KIT: variants seen among roughly 807,000 people sequenced by gnomAD.
The protein encoded by KIT is KIT proto-oncogene, receptor tyrosine kinase.
In KIT, 16 loss-of-function variants were observed where a neutral mutation model predicts 105.7. The ratio of observed to expected loss-of-function variants is 0.15; its 90% confidence interval spans 0.10 to 0.23. KIT has a LOEUF of 0.23. KIT is among the 10% of genes least tolerant of loss of function. KIT has a pLI of 1.00. For missense variants in KIT, 858 were observed against 1,213.8 expected (o/e 0.71, Z 4.36); for synonymous variants, 438 against 441.1 (o/e 0.99, Z 0.09).
intron 4 of KIT, among the ~76,000 whole-genome samples, chr4:54,700,389 A>G (rs1720380107): frequency 6.6e-6 from 1 of 152,248 alleles, no homozygotes; most frequent in Non-Finnish European, 1.5e-5. Context: ...GTTCCCATTC[A>G]TTTAACAAAT....
At chr4:54,693,397 G>A (rs6810872) in intron 1 of KIT, among the ~76,000 whole-genome samples, 61 of 151,932 alleles carry the variant, frequency 4.0e-4, no homozygotes, top group South Asian at 1.2e-3. Flanking sequence ...TTCCTACACC[G>A]TCTTGGCTGG....
chr4:54,696,690 T>G (rs1228373643), intron 2 of KIT, among the ~76,000 whole-genome samples: 1 of 152,262 alleles, frequency 6.6e-6, no homozygotes. Flanking sequence ...CTTACGTAAT[T>G]GTTAGGGAGC....
At chr4:54,677,536 T>C (rs937510767) in intron 1 of KIT, among the ~76,000 whole-genome samples, 1 of 152,168 alleles carries the variant, frequency 6.6e-6, no homozygotes, top group Non-Finnish European at 1.5e-5. Context: ...TCAGGGAAAG[T>C]GACTCTTGCC....
intron 1 of KIT, among the ~76,000 whole-genome samples, chr4:54,693,230 A>G (rs1171497571): frequency 6.6e-6 from 1 of 152,220 alleles, no homozygotes; most frequent in Non-Finnish European, 1.5e-5. Context: ...TAACCAGATT[A>G]GGGGTCTTTT....
chr4:54,668,367 C>T (rs190079099), intron 1 of KIT, among the ~76,000 whole-genome samples: 47 of 152,280 alleles, frequency 3.1e-4, no homozygotes, highest in Admixed American at 1.6e-3. Context: ...AAAGGTGAAA[C>T]GGTTCTCCTT....
intron 7 of KIT, among the ~76,000 whole-genome samples, chr4:54,717,666 T>C (rs1042550579): frequency 5.3e-5 from 8 of 152,184 alleles, no homozygotes; most frequent in African/African-American, 1.9e-4. Context: ...ATTAGCTTCC[T>C]TCATTTACAG....
chr4:54,694,810 G>T (rs534272276), intron 1 of KIT, among the ~76,000 whole-genome samples: 48 of 152,308 alleles, frequency 3.2e-4, no homozygotes, highest in Admixed American at 8.5e-4. Context: ...ATACATGGAG[G>T]CATGCATGGC....
intron 1 of KIT, among the ~76,000 whole-genome samples, chr4:54,685,433 C>G (rs1333659073): frequency 6.6e-6 from 1 of 152,188 alleles, no homozygotes; most frequent in African/African-American, 2.4e-5. Flanking sequence ...CAGGGCCAGC[C>G]CACCCAAGGT....
intron 7 of KIT, among the ~76,000 whole-genome samples, chr4:54,721,264 A>C (rs1462175064): frequency 6.6e-6 from 1 of 152,230 alleles, no homozygotes; most frequent in Non-Finnish European, 1.5e-5. Flanking sequence ...CAGAGAGTTT[A>C]GGCTTGCTTA....
chr4:54,727,361 A>G, intron 10 of KIT, 37 bp downstream of exon 10: 8 of 1,613,890 alleles, frequency 5.0e-6, no homozygotes, highest in Non-Finnish European at 6.8e-6. Context: ...GAGTGCTCTA[A>G]TGACTGAGAC....
chr4:54,723,503 T>G, intron 7 of KIT, 81 bp from the exon 8 acceptor site: 2 of 890,144 alleles, frequency 2.2e-6, no homozygotes, highest in Non-Finnish European at 1.9e-6. Flanking sequence ...AGGAAGGTTG[T>G]AGGGATTAGA....
intron 1 of KIT, among the ~76,000 whole-genome samples, chr4:54,659,246 A>T (rs1717060741): frequency 6.6e-6 from 1 of 152,136 alleles, no homozygotes; most frequent in African/African-American, 2.4e-5. Context: ...CCGCGCGGGA[A>T]CTGGGTCTTA....
intron 1 of KIT, among the ~76,000 whole-genome samples, chr4:54,683,703 TAGTA>T (rs1719108875): frequency 6.6e-6 from 1 of 152,310 alleles, no homozygotes; most frequent in African/African-American, 2.4e-5. Context: ...TGGGTCCTCT[TAGTA>T]AGTTTCCTTA....
intron 1 of KIT, among the ~76,000 whole-genome samples, chr4:54,658,322 T>G (rs1275867635): frequency 6.6e-6 from 1 of 151,608 alleles, no homozygotes; most frequent in East Asian, 2.0e-4. Context: ...TCTTCGGGAA[T>G]GGGGACAGCA....
chr4:54,727,318 T>C lies in KIT; in HGVS notation c.1641T>C (p.Tyr547=), dbSNP rs746718824. 2.2e-5 allele frequency: 36 copies of C among 1,613,660 alleles called. No homozygotes were observed. The South Asian group carries it at 3.5e-4, about 16-fold the overall frequency. The change falls in exon 10 of 21, where the codon TAT becomes TAC. Residue 547 remains tyrosine (Y), a synonymous_variant. Transcript: ENST00000288135. The part of the protein sequence containing the change: ...CIIVMILTYK[Y]LQKPMYEVQW... ...TTGTGATGATTCTGACCTACAAATA[T>C]TTACAGGTAACCATTTATTTGTTCT...
chr4:54,731,388 C>A lies in KIT; in HGVS notation c.2202C>A (p.Thr734=), dbSNP rs2109792637. The A allele has an allele frequency of 6.2e-7, 1 of 1,613,182 alleles. No homozygotes were observed. The highest frequency in any genetic ancestry group is 8.5e-7 in the Non-Finnish European group (1 of 1,179,282). ...MKPGVSYVVP[T]KADKRRSVRI... Reference sequence around the variant, plus strand: ...CTGGAGTTTCTTATGTTGTCCCAACCAAGGCCGACAAAAGGAGATCTGTGA... The same window carrying A: ...CTGGAGTTTCTTATGTTGTCCCAACAAAGGCCGACAAAAGGAGATCTGTGA... The change falls in exon 15 of 21, where the codon ACC becomes ACA. Residue 734 remains threonine, a synonymous_variant. Transcript: ENST00000288135.
Position 54,698,467 on chromosome 4 carries a change from G to C in KIT, c.521G>C (p.Ser174Thr), listed in dbSNP as rs758171174. Residue 174 changes from serine to threonine, a missense_variant, in exon 3 of 21, where the codon AGT becomes ACT. Coordinates refer to ENST00000288135, the MANE Select transcript of KIT (RefSeq NM_000222.3). Reference protein sequence around the residue: ...PDPKAGIMIKSVKRAYHRLCL... With the variant: ...PDPKAGIMIKTVKRAYHRLCL... ...CCCAAGGCGGGCATCATGATCAAAA[G>C]TGTGAAACGCGCCTACCATCGGCTC... The C allele has an allele frequency of 3.1e-6, 5 of 1,614,166 alleles. No homozygotes were observed. Among genetic ancestry groups the C allele is most frequent in the Non-Finnish European group, 3.4e-6 (4 of 1,180,026 alleles).
At chr4:54,674,795 G>A (rs182023492) in intron 1 of KIT, among the ~76,000 whole-genome samples, 494 of 152,254 alleles carry the variant, frequency 3.2e-3, no homozygotes, top group African/African-American at 0.011. Flanking sequence ...GAAATCATCC[G>A]AGTGCCAGGA....
At chr4:54,732,286 T>G (rs1288460126) in intron 16 of KIT, among the ~76,000 whole-genome samples, 1 of 152,104 alleles carries the variant, frequency 6.6e-6, no homozygotes, top group Admixed American at 6.6e-5. Context: ...AACTTTTGGC[T>G]TTTAGGATAT....
Sources: gnomAD v4.1 joint callset for allele counts (sites outside exome capture counted in the v4.1 genomes callset) on GRCh38, gnomAD v4.1.1 for gene constraint, MANE v1.5 for transcripts, NCBI Gene and HGNC (gene_info 2026-07-23, HGNC 2026-07-21) for gene names.